The following CFAP46 variants were observed in gnomAD, a reference collection of about 807,000 sequenced individuals.
CFAP46 encodes the protein cilia- and flagella-associated protein 46.
Under a neutral mutation model 325.7 loss-of-function variants are expected in CFAP46, and 245 were observed. That is an observed-to-expected ratio of 0.75 (90% CI 0.68 to 0.84). The LOEUF (loss-of-function observed/expected upper bound fraction) is 0.84. CFAP46 is among the 40% of genes least tolerant of loss of function. The pLI is 0.00. For missense variants in CFAP46, 3,346 were observed against 3,543.0 expected, an observed-to-expected ratio of 0.94 and a Z score of 1.41; for synonymous variants, 1,523 against 1,495.9, an observed-to-expected ratio of 1.02 and a Z score of -0.42.
rs772149268 is a variant in CFAP46, at chr10:132,887,196, TCTC to T, written c.3305-1240_3305-1238del. Among the ~76,000 whole-genome samples, 94 of 84,868 alleles carry T rather than the reference TCTC, an allele frequency of 1.1e-3. 3 individuals are homozygous for T. The South Asian group carries it at 0.012, about 10-fold the overall frequency. 55.7% of individuals were successfully genotyped at this position (84,868 alleles called of 152,430 possible). On this transcript the variant is annotated intron_variant, in intron 25 of 57. Transcript: ENST00000368586. The stretch of plus-strand genomic sequence containing the variant: ...CCTCTCCCCTCTTCTCTCTCTCCTC[TCTC>T]CTCTTCTTTCCTCTCCCCTCTTCTC...
At chr10:132,820,821 G>T (rs937733599) in intron 50 of CFAP46, among the ~76,000 whole-genome samples, 1 of 143,696 alleles carries the variant, frequency 7.0e-6, no homozygotes, top group Non-Finnish European at 1.5e-5. Flanking sequence ...GTGTGCTGAT[G>T]TGTGCTGAGT....
intron 28 of CFAP46, among the ~76,000 whole-genome samples, chr10:132,880,027 C>T (rs1334275731): frequency 2.0e-5 from 3 of 152,100 alleles, no homozygotes; most frequent in South Asian, 4.1e-4. Context: ...GGGCTAGAAC[C>T]GCGGCCACAG....
chr10:132,885,775 T>A (rs1849117986), intron 26 of CFAP46, 46 bp downstream of exon 26: 8 of 1,317,736 alleles, frequency 6.1e-6, no homozygotes, highest in Non-Finnish European at 7.8e-6. Flanking sequence ...GGGGGAGCAC[T>A]CAGGCGGTGG....
In CFAP46 at chr10:132,916,628, G is replaced by T. The variant is rs747107998; in HGVS notation, c.2041C>A (p.Pro681Thr). 2 of 1,536,740 alleles carry T rather than the reference G, an allele frequency of 1.3e-6. No individual in the cohort carries two copies. The highest frequency in any genetic ancestry group is 8.8e-7 in the Non-Finnish European group (1 of 1,140,802). Residue 681 changes from proline to threonine, a missense_variant, in exon 17 of 58, where the codon CCC becomes ACC. Pro to Thr is a conservative substitution (Grantham distance 38). Transcript: ENST00000368586. ...GGGTGCTGGCTCAGGTCTTCGGGGGGGATGGCCCGGTCATTCAGCTCTACA... is the reference window on the plus strand; with the variant it reads ...GGGTGCTGGCTCAGGTCTTCGGGGGTGATGGCCCGGTCATTCAGCTCTACA... ...EGVELNDRAI[P>T]PEDLSQHPAG...
At chr10:132,883,253 C>T (rs1388295732) in intron 27 of CFAP46, among the ~76,000 whole-genome samples, 1 of 152,176 alleles carries the variant, frequency 6.6e-6, no homozygotes, top group Non-Finnish European at 1.5e-5. Flanking sequence ...AACCTGCATC[C>T]ACGATACACC....
rs377453300 is a variant in CFAP46 at position 132,828,878 on chromosome 10, C to T, written c.7117+4480G>A. ...CCTCGTCCCTTTGCCAGCCACCACC[C>T]GGCTGTGCACCTGTGGCGTGCTTCT... is the stretch of plus-strand genomic sequence containing the variant. On this transcript the variant is annotated intron_variant, in intron 50 of 57. Coordinates refer to ENST00000368586, the MANE Select transcript of CFAP46 (RefSeq NM_001200049.3). This position sits in a 1 kb window ranked among gnomAD's most constrained non-coding sequence, Gnocchi z 4.9. Among the ~76,000 whole-genome samples the T allele has an allele frequency of 1.3e-5, 2 of 152,102 alleles. No individual in the cohort carries two copies. Among genetic ancestry groups the T allele is most frequent in the African/African-American group, 4.8e-5 (2 of 41,386 alleles).
chr10:132,888,178 G>A (rs906073378), intron 25 of CFAP46, among the ~76,000 whole-genome samples: 88 of 151,836 alleles, frequency 5.8e-4, no homozygotes, highest in Middle Eastern at 3.4e-3. Context: ...TCGAGCGCCC[G>A]AGAACCATAG....
chr10:132,922,598 T>C lies in CFAP46; in HGVS notation c.1367A>G (p.Asp456Gly). 1 of 1,549,258 alleles carries C rather than the reference T, an allele frequency of 6.5e-7. No homozygotes were observed. Among genetic ancestry groups the C allele is most frequent in the Non-Finnish European group, 8.7e-7 (1 of 1,146,822 alleles). The stretch of plus-strand genomic sequence containing the variant: ...CCTGTCCCGGTAGAGGCCCAGGCTG[T>C]CCAGGCGCGCGGCTTTCCGGAGGTG... ...TEHLRKAARLDSLGLYRDRIQ... is the reference protein window; with the variant it reads ...TEHLRKAARLGSLGLYRDRIQ... Residue 456 changes from aspartate to glycine, a missense_variant, in exon 12 of 58, where the codon GAC becomes GGC. By Grantham distance (94) the Asp-to-Gly change is moderately conservative (BLOSUM62 -1). Transcript: ENST00000368586.
chr10:132,883,113 G>C (rs1849072195), intron 27 of CFAP46, among the ~76,000 whole-genome samples: 1 of 152,286 alleles, frequency 6.6e-6, no homozygotes, highest in Non-Finnish European at 1.5e-5. Context: ...ACAAGACACA[G>C]ACAACTAGAA....
At chr10:132,826,381 A>G (rs573092965) in intron 50 of CFAP46, among the ~76,000 whole-genome samples, 159 of 93,024 alleles carry the variant, frequency 1.7e-3, no homozygotes, top group Middle Eastern at 0.019. Context: ...GGCAGGAGCC[A>G]GAGCCACAGA....
intron 19 of CFAP46, among the ~76,000 whole-genome samples, chr10:132,910,316 C>A (rs1017652215): frequency 1.3e-5 from 2 of 152,194 alleles, no homozygotes; most frequent in African/African-American, 4.8e-5. Flanking sequence ...CTGAGCTGTC[C>A]CCACGGCATG....
chr10:132,931,827 T>TACAC (rs1849911691), intron 8 of CFAP46, among the ~76,000 whole-genome samples: 1 of 53,186 alleles, frequency 1.9e-5, no homozygotes. Context: ...GGCCTTCCTC[T>TACAC]TCCCCACACA....
rs1019549950 is a variant in CFAP46, at chr10:132,924,955, C to T, written c.1066-69G>A. The T allele has an allele frequency of 1.1e-4, 144 of 1,271,204 alleles. 3 individuals carry two copies. The East Asian group carries it at 2.3e-3, about 21-fold the overall frequency. The allele number at this position is 1,271,204 out of a possible 1,614,324, so 78.7% of individuals were successfully genotyped here. A position where few individuals can be genotyped will look rare whatever the true frequency, so the allele number is the denominator to read the frequency against. ...AGCTGCGGGGCTGGGGCGGCACCTG[C>T]GTGCAGGGCACACTGAGAACGCAGG... On this transcript the variant is annotated intron_variant, in intron 10 of 57. Transcript: ENST00000368586.
intron 11 of CFAP46, among the ~76,000 whole-genome samples, chr10:132,923,907 G>C (rs779855122): frequency 6.6e-6 from 1 of 152,158 alleles, no homozygotes; most frequent in Non-Finnish European, 1.5e-5. Context: ...GAAGCCAATA[G>C]AGAAAACTAA....
intron 50 of CFAP46, among the ~76,000 whole-genome samples, chr10:132,824,073 A>G (rs1375137142): frequency 1.2e-5 from 1 of 83,870 alleles, no homozygotes; most frequent in Admixed American, 1.6e-4. Context: ...ATGTGTGCTG[A>G]TGTGTGCACT....
chr10:132,903,502 G>A (rs1302223323), intron 22 of CFAP46, among the ~76,000 whole-genome samples: 3 of 152,302 alleles, frequency 2.0e-5, no homozygotes, highest in East Asian at 1.9e-4. Context: ...ATCTGGGCCC[G>A]CTCTCCAGGC....
chr10:132,865,993 T>C, intron 35 of CFAP46, 32 bp downstream of exon 35: 1 of 1,468,074 alleles, frequency 6.8e-7, no homozygotes, highest in Non-Finnish European at 9.0e-7. Context: ...GGAGCGGCTG[T>C]GGATGGTGAT....
At chr10:132,875,970 G>T (rs1377084745) in intron 31 of CFAP46, among the ~76,000 whole-genome samples, 1 of 152,156 alleles carries the variant, frequency 6.6e-6, no homozygotes, top group Admixed American at 6.5e-5. Flanking sequence ...CTGGTCACAT[G>T]GCTGCTCATG....
chr10:132,937,580 T>C lies in CFAP46; in HGVS notation c.632A>G (p.Gln211Arg), dbSNP rs1246922661. ...AAPFIKSHVPQKYRQIFSVMV... is the reference protein window; with the variant it reads ...AAPFIKSHVPRKYRQIFSVMV... ...AACAGAGAATATCTGCCGGTATTTC[T>C]GTGGCACGTGAGACTTAATGAACGG... Residue 211 changes from glutamine to arginine, a missense_variant, in exon 6 of 58, where the codon CAG becomes CGG. Transcript: ENST00000368586. The C allele has an allele frequency of 6.2e-7, 1 of 1,613,702 alleles. No homozygotes were observed. The highest frequency in any genetic ancestry group is 8.5e-7 in the Non-Finnish European group (1 of 1,179,972).
Sources: gnomAD v4.1 joint callset for allele counts (sites outside exome capture counted in the v4.1 genomes callset) on GRCh38, gnomAD v4.1.1 for gene constraint, Gnocchi (gnomAD v3.1) non-coding constraint, MANE v1.5 for transcripts, NCBI Gene and HGNC (gene_info 2026-07-23, HGNC 2026-07-21) for gene names.